FAM13A: variants seen among roughly 807,000 people sequenced by gnomAD.
FAM13A encodes protein FAM13A.
FAM13A carries 76 observed loss-of-function variants against 129.6 expected under a neutral mutation model. The ratio of observed to expected loss-of-function variants is 0.59; its 90% CI spans 0.49 to 0.71. The LOEUF (loss-of-function observed/expected upper bound fraction) is 0.71, where lower values mean the gene tolerates loss of function less well. FAM13A is among the 30% of genes least tolerant of loss of function. The probability of loss-of-function intolerance (pLI) is 0.00; values close to 1 mark genes in which losing one functional copy is unlikely to be tolerated. For synonymous variants in FAM13A, 443 were observed against 449.9 expected, an observed-to-expected ratio of 0.98 and a Z score of 0.20; for missense variants, 1,108 against 1,249.3, an observed-to-expected ratio of 0.89 and a Z score of 1.70.
intron 22 of FAM13A, 133 bp downstream of exon 22, chr4:88,731,869 C>A: frequency 1.4e-6 from 1 of 710,228 alleles, no homozygotes; most frequent in Non-Finnish European, 2.2e-6. Flanking sequence ...AAAAAATCAC[C>A]GTTTTATCCA....
At chr4:88,890,049 A>G (rs570638644) in intron 6 of FAM13A, among the ~76,000 whole-genome samples, 5 of 152,228 alleles carry the variant, frequency 3.3e-5, no homozygotes, top group Non-Finnish European at 5.9e-5. Flanking sequence ...TTCTTGGCCA[A>G]ATAGGAAGGT....
At chr4:89,016,134 T>C (rs1176488226) in intron 3 of FAM13A, among the ~76,000 whole-genome samples, 2 of 151,814 alleles carry the variant, frequency 1.3e-5, no homozygotes, top group Admixed American at 6.6e-5. Flanking sequence ...GGTAGTAATA[T>C]TGATGATTCT....
At chr4:88,766,860 C>A (rs1745791668) in intron 13 of FAM13A, among the ~76,000 whole-genome samples, 1 of 152,090 alleles carries the variant, frequency 6.6e-6, no homozygotes, top group Non-Finnish European at 1.5e-5. Flanking sequence ...TCTTGAAAAG[C>A]AAAACTGATA....
At chr4:88,779,234 T>C (rs1722362331) in intron 11 of FAM13A, among the ~76,000 whole-genome samples, 1 of 152,180 alleles carries the variant, frequency 6.6e-6, no homozygotes, top group Admixed American at 6.6e-5. Context: ...TATAATTATG[T>C]ATAATTTTTT....
At chr4:88,799,763 G>A (rs557766040) in intron 8 of FAM13A, among the ~76,000 whole-genome samples, 1 of 152,294 alleles carries the variant, frequency 6.6e-6, no homozygotes, top group East Asian at 1.9e-4. Context: ...GATTACAGGC[G>A]TGAGCCACTG....
Position 88,906,384 on chromosome 4 carries a change from T to C in FAM13A, c.838A>G (p.Thr280Ala), listed in dbSNP as rs1349791251. 1 of 1,607,158 alleles carries C rather than the reference T, an allele frequency of 6.2e-7. No individual in the cohort carries two copies. ...ERDMPKPPPK[T>A]KIPKSRSEGS... is the part of the protein sequence containing the mutation. Reference sequence around the variant, plus strand: ...ACAGAGAAAACATAGTTTACCTTGGTTTTTGGAGGTGGTTTTGGCATGTCT... The same window carrying C: ...ACAGAGAAAACATAGTTTACCTTGGCTTTTGGAGGTGGTTTTGGCATGTCT... Residue 280 changes from threonine to alanine, a missense_variant, in exon 6 of 24, where the codon ACC becomes GCC. Thr to Ala is a moderately conservative substitution (Grantham distance 58, BLOSUM62 0). Transcript: ENST00000264344.
intron 5 of FAM13A, among the ~76,000 whole-genome samples, chr4:88,911,286 T>C (rs896871831): frequency 2.6e-5 from 4 of 152,226 alleles, no homozygotes; most frequent in African/African-American, 9.6e-5. Flanking sequence ...GCTTTCTCTG[T>C]GCTGAGAACG....
chr4:89,001,547 AAAG>A (rs1382381852), intron 3 of FAM13A, among the ~76,000 whole-genome samples: 4 of 152,224 alleles, frequency 2.6e-5, no homozygotes, highest in Non-Finnish European at 5.9e-5. Context: ...TTTCAAAAGA[AAAG>A]AAGCTTCCCA....
intron 6 of FAM13A, among the ~76,000 whole-genome samples, chr4:88,903,855 G>T (rs1561295123): frequency 6.6e-6 from 1 of 152,096 alleles, no homozygotes; most frequent in Non-Finnish European, 1.5e-5. Context: ...CAGAACGGGA[G>T]AAAATGTTTG....
At chr4:88,822,676 T>G (rs564076209) in intron 7 of FAM13A, among the ~76,000 whole-genome samples, 1 of 152,322 alleles carries the variant, frequency 6.6e-6, no homozygotes, top group South Asian at 2.1e-4. Context: ...ACTCGCTCAT[T>G]ATACTTCTCA....
intron 6 of FAM13A, among the ~76,000 whole-genome samples, chr4:88,868,671 T>C (rs1468030643): frequency 1.3e-5 from 2 of 152,190 alleles, no homozygotes; most frequent in East Asian, 1.9e-4. Flanking sequence ...CACCGCACCC[T>C]GTAAACCAAG....
intron 11 of FAM13A, among the ~76,000 whole-genome samples, chr4:88,775,160 G>C (rs997868945): frequency 3.2e-4 from 48 of 152,234 alleles, no homozygotes; most frequent in African/African-American, 1.1e-3. Flanking sequence ...CAGTCATTGT[G>C]GTATGAGGAC....
intron 3 of FAM13A, among the ~76,000 whole-genome samples, chr4:88,996,753 TA>T (rs202155825): frequency 2.0e-4 from 30 of 147,466 alleles, no homozygotes; most frequent in South Asian, 4.2e-4. Context: ...CCAGCCAAAG[TA>T]AAAAAAAAAA....
intron 19 of FAM13A, among the ~76,000 whole-genome samples, chr4:88,744,080 AAGG>A (rs2149445638): frequency 6.6e-6 from 1 of 152,336 alleles, no homozygotes; most frequent in South Asian, 2.1e-4. Context: ...CAGCTAACCG[AAGG>A]AGAATATTTA....
intron 7 of FAM13A, among the ~76,000 whole-genome samples, chr4:88,817,215 T>C (rs1039767070): frequency 3.9e-5 from 6 of 152,326 alleles, no homozygotes; most frequent in Non-Finnish European, 7.3e-5. Context: ...CTCAAAACTA[T>C]TGAATTGCAT....
At position 88,992,947 on chromosome 4, in the gene FAM13A, G is replaced by A. The variant is rs143836687; in HGVS notation, c.428-1797C>T. Among the ~76,000 whole-genome samples the A allele has an allele frequency of 2.2e-4, 33 of 152,180 alleles. No individual in the cohort carries two copies. The East Asian group carries it at 5.4e-3, about 25-fold the overall frequency. On this transcript the variant is annotated intron_variant, in intron 3 of 23. Transcript: ENST00000264344. ...TGAAGAACAGAAAAATGAGGGAAAT[G>A]AGATACAAAATCAGAGAATTAATCA...
At chr4:88,865,894 T>C (rs1740339112) in intron 6 of FAM13A, among the ~76,000 whole-genome samples, 2 of 143,452 alleles carry the variant, frequency 1.4e-5, no homozygotes, top group Admixed American at 6.9e-5. Flanking sequence ...TTTTTTTTTT[T>C]TTTTTTTTTT....
intron 4 of FAM13A, among the ~76,000 whole-genome samples, chr4:88,981,151 G>A (rs1189433902): frequency 1.2e-5 from 1 of 81,412 alleles, no homozygotes; most frequent in Non-Finnish European, 2.6e-5. Flanking sequence ...ATCTATAGAC[G>A]AAAGGCACAA....
chr4:89,008,018 T>C (rs187916545), intron 3 of FAM13A, among the ~76,000 whole-genome samples: 163 of 151,978 alleles, frequency 1.1e-3, no homozygotes, highest in South Asian at 2.7e-3. Flanking sequence ...ATTTCATTTA[T>C]TTTAAACTTT....
Sources: allele counts gnomAD v4.1 joint callset (sites outside exome capture counted in the v4.1 genomes callset), GRCh38; gene constraint gnomAD v4.1.1; transcripts MANE v1.5; gene names NCBI Gene and HGNC (gene_info 2026-07-23, HGNC 2026-07-21).